The following GOT1 variants were observed in gnomAD, a reference collection of about 807,000 sequenced individuals.
GOT1 encodes the protein aspartate aminotransferase, cytoplasmic.
A neutral mutation model predicts 48.2 loss-of-function variants in GOT1; 25 were observed. The observed-to-expected ratio is 0.52, with a 90% CI of 0.38 to 0.72. The LOEUF (loss-of-function observed/expected upper bound fraction) is 0.72. GOT1 is among the 30% of genes least tolerant of loss of function. The pLI is 0.00. For missense variants in GOT1, 380 were observed against 520.1 expected, an observed-to-expected ratio of 0.73 and a Z score of 2.62; for synonymous variants, 188 against 193.8, an observed-to-expected ratio of 0.97 and a Z score of 0.25.
intron 2 of GOT1, chr10:99,420,410 A>G: frequency 3.9e-6 from 2 of 507,852 alleles, no homozygotes; most frequent in Non-Finnish European, 6.9e-6. Context: ...CTAAAATCTG[A>G]TGATCTACTG....
chr10:99,407,330 ACTC>A (rs2134099455), intron 2 of GOT1, among the ~76,000 whole-genome samples: 1 of 152,076 alleles, frequency 6.6e-6, no homozygotes, highest in South Asian at 2.1e-4. Context: ...AATCTGTGCT[ACTC>A]CTCATCTCTA....
intron 2 of GOT1, among the ~76,000 whole-genome samples, chr10:99,411,085 T>C (rs935587415): frequency 1.3e-5 from 2 of 152,216 alleles, no homozygotes; most frequent in Admixed American, 1.3e-4. Flanking sequence ...TCTCACGGCA[T>C]CTGGCACATG....
At chr10:99,429,379 T>C (rs985480749) in intron 1 of GOT1, among the ~76,000 whole-genome samples, 1 of 151,250 alleles carries the variant, frequency 6.6e-6, no homozygotes, top group Admixed American at 6.6e-5. Context: ...ACAAATGCTA[T>C]GCACAGACAA....
At chr10:99,427,603 G>A (rs945972571) in intron 1 of GOT1, among the ~76,000 whole-genome samples, 1 of 152,164 alleles carries the variant, frequency 6.6e-6, no homozygotes, top group African/African-American at 2.4e-5. Flanking sequence ...TGGGAGAGAG[G>A]TCATTCAATC....
chr10:99,428,590 T>C (rs2033071537), intron 1 of GOT1, among the ~76,000 whole-genome samples: 1 of 152,192 alleles, frequency 6.6e-6, no homozygotes, highest in African/African-American at 2.4e-5. Context: ...ACTCCTGACC[T>C]CAGGTGATCC....
intron 7 of GOT1, 134 bp downstream of exon 7, chr10:99,403,335 T>G (rs2032708507): frequency 1.4e-6 from 1 of 734,040 alleles, no homozygotes; most frequent in Non-Finnish European, 2.3e-6. Context: ...TACAAATATC[T>G]GAGAGTCAAA....
rs1210201086 is a variant in GOT1 at position 99,397,962 on chromosome 10, T to C, written c.1103-276A>G. Among the ~76,000 whole-genome samples, 3 of 152,198 alleles carry C rather than the reference T, an allele frequency of 2.0e-5. No homozygotes were observed. The highest frequency in any genetic ancestry group is 4.4e-5 in the Non-Finnish European group (3 of 68,034). The stretch of plus-strand genomic sequence containing the variant: ...GAGATTGCCTTCCAACCAAGCCTTA[T>C]ACATTATATCCACCAGGACACCCCT... On this transcript the variant is annotated intron_variant, in intron 8 of 8. Coordinates refer to ENST00000370508, the MANE Select transcript of GOT1 (RefSeq NM_002079.3). The surrounding 1 kb of genome is among the most constrained non-coding windows in gnomAD (Gnocchi z 5.4).
chr10:99,414,007 C>T (rs1234413287), intron 2 of GOT1, among the ~76,000 whole-genome samples: 15 of 152,134 alleles, frequency 9.9e-5, no homozygotes, highest in East Asian at 5.8e-4. Flanking sequence ...TAAAGACCAT[C>T]GAGGCTAGGA....
At chr10:99,400,823 C>A (rs1444349671) in intron 8 of GOT1, among the ~76,000 whole-genome samples, 1 of 152,146 alleles carries the variant, frequency 6.6e-6, no homozygotes, top group Non-Finnish European at 1.5e-5. Flanking sequence ...TGCCTGTAGT[C>A]CCAGCTACTT....
In GOT1 at chr10:99,420,635, T is replaced by C. The variant is rs1447584229; in HGVS notation, c.289A>G (p.Lys97Glu). 5.0e-6 allele frequency: 8 copies of C among 1,610,488 alleles called. No individual in the cohort carries two copies. In the South Asian group the frequency reaches 7.7e-5, roughly 16 times the overall value. The change falls in exon 2 of 9, where the codon AAG (lysine) becomes GAG (glutamate). Residue 97 changes from lysine (K) to glutamate (E), a missense_variant. Transcript: ENST00000370508. ...TACCCAAAACTTACCCGCTTCTCCTTGAGTGCTGGGCTGTCATCCCCAAGG... is the reference window on the plus strand; with the variant it reads ...TACCCAAAACTTACCCGCTTCTCCTCGAGTGCTGGGCTGTCATCCCCAAGG... ...LALGDDSPAL[K>E]EKRVGGVQSL...
At chr10:99,417,291 AAAG>A (rs1449605242) in intron 2 of GOT1, among the ~76,000 whole-genome samples, 1 of 152,254 alleles carries the variant, frequency 6.6e-6, no homozygotes, top group Non-Finnish European at 1.5e-5. Flanking sequence ...ACACTTCTCA[AAAG>A]AAGACATTTA....
chr10:99,416,608 G>C (rs1275529968), intron 2 of GOT1, among the ~76,000 whole-genome samples: 1 of 152,090 alleles, frequency 6.6e-6, no homozygotes, highest in Non-Finnish European at 1.5e-5. Context: ...AGTTCATATG[G>C]AACCAAAAAA....
Position 99,397,644 on chromosome 10 carries a change from A to T in GOT1, c.1145T>A (p.Leu382Gln). 6.2e-7 allele frequency: 1 copy of T among 1,614,032 alleles called. No homozygotes were observed. The highest frequency in any genetic ancestry group is 8.5e-7 in the Non-Finnish European group (1 of 1,179,878). The change falls in exon 9 of 9, where the codon CTG becomes CAG. Residue 382 changes from leucine to glutamine, a missense_variant. By Grantham distance (113) the Leu-to-Gln change is moderately radical. Transcript: ENST00000370508. This position sits in a 1 kb window ranked among gnomAD's most constrained non-coding sequence, Gnocchi z 5.4. The stretch of plus-strand genomic sequence containing the variant: ...CACGTTGATTCGACCACTTGGCAGC[A>T]GGTAGATGTGCTTTTCATTGACCAG... Reference protein sequence around the residue: ...EYLVNEKHIYLLPSGRINVSG... With the variant: ...EYLVNEKHIYQLPSGRINVSG...
At chr10:99,429,242 G>T (rs2033081657) in intron 1 of GOT1, among the ~76,000 whole-genome samples, 1 of 151,878 alleles carries the variant, frequency 6.6e-6, no homozygotes, top group Non-Finnish European at 1.5e-5. Context: ...GTAGAGATGG[G>T]GTTTCACCGT....
rs2032751826 is a variant in GOT1 at position 99,406,120 on chromosome 10, T to C, written c.537+17A>G. The C allele has an allele frequency of 6.7e-7, 1 of 1,482,534 alleles. No homozygotes were observed. The highest frequency in any genetic ancestry group is 1.1e-5 in the South Asian group (1 of 88,778). 91.8% of individuals were successfully genotyped at this position (1,482,534 alleles called of 1,614,324 possible). ...TGACACCATGCAATTCTCTACTTTT[T>C]CCTCTAAATCACCCACCTCCAGATC... On this transcript the variant is annotated intron_variant, in intron 4 of 8. Transcript: ENST00000370508.
chr10:99,405,474 TACAG>T (rs1299067975), intron 5 of GOT1, among the ~76,000 whole-genome samples: 2 of 149,780 alleles, frequency 1.3e-5, no homozygotes, highest in African/African-American at 4.9e-5. Flanking sequence ...CACAAAACAG[TACAG>T]ACAAAATGAT....
intron 2 of GOT1, among the ~76,000 whole-genome samples, chr10:99,414,349 T>C (rs1282888522): frequency 4.6e-5 from 7 of 152,178 alleles, no homozygotes; most frequent in Non-Finnish European, 5.9e-5. Flanking sequence ...AAGAAGGCCA[T>C]TACATAATTG....
chr10:99,402,119 C>A (rs1431364984), intron 8 of GOT1, among the ~76,000 whole-genome samples: 1 of 152,088 alleles, frequency 6.6e-6, no homozygotes, highest in Non-Finnish European at 1.5e-5. Context: ...AATCTAGGTT[C>A]TTGTTTATGA....
intron 2 of GOT1, among the ~76,000 whole-genome samples, chr10:99,412,696 C>G (rs4353208): frequency 6.6e-6 from 1 of 151,704 alleles, no homozygotes; most frequent in Non-Finnish European, 1.5e-5. Flanking sequence ...AGGCACCCCC[C>G]AGTAGGGGCA....
Sources: allele counts gnomAD v4.1 joint callset (sites outside exome capture counted in the v4.1 genomes callset), GRCh38; gene constraint gnomAD v4.1.1; non-coding constraint Gnocchi (gnomAD v3.1); transcripts MANE v1.5; gene names NCBI Gene and HGNC (gene_info 2026-07-23, HGNC 2026-07-21).